The following LINGO2 variants were observed in gnomAD, a reference collection of about 807,000 sequenced individuals.
LINGO2 encodes the protein leucine-rich repeat and immunoglobulin-like domain-containing nogo receptor-interacting protein 2.
In LINGO2, 14 loss-of-function variants were observed where a neutral mutation model predicts 30.6. The observed-to-expected ratio is 0.46, with a 90% CI of 0.30 to 0.72. The LOEUF (loss-of-function observed/expected upper bound fraction) is 0.72, where lower values mean the gene tolerates loss of function less well. Among genes scored for constraint, LINGO2 ranks in the 30% least tolerant of loss-of-function variants. The pLI is 0.07. For synonymous variants in LINGO2, 317 were observed against 288.5 expected (o/e 1.10, Z -1.00); for missense variants, 729 against 751.7 (o/e 0.97, Z 0.35).
chr9:27,988,936 T>C (rs567285644), intron 5 of LINGO2, among the ~76,000 whole-genome samples: 174 of 152,038 alleles, frequency 1.1e-3, no homozygotes, highest in African/African-American at 4.0e-3. Context: ...TTCTTATCAC[T>C]TCCACTGCTA....
At chr9:28,986,097 C>T in the LINGO2 span, among the ~76,000 whole-genome samples, 1 of 152,114 alleles carries the variant, frequency 6.6e-6, no homozygotes, top group Non-Finnish European at 1.5e-5. Flanking sequence ...TTCCCAACAC[C>T]ATTTATTGAA....
At chr9:28,933,565 C>T in the LINGO2 span, among the ~76,000 whole-genome samples, 4 of 152,064 alleles carry the variant, frequency 2.6e-5, no homozygotes, top group East Asian at 1.9e-4. Context: ...GGTAGCTCCA[C>T]CATCAGGCAC....
intron 1 of LINGO2, among the ~76,000 whole-genome samples, chr9:28,563,902 A>AC (rs1175983413): frequency 6.6e-6 from 1 of 151,942 alleles, no homozygotes; most frequent in Admixed American, 6.6e-5. Flanking sequence ...AGATAGTTAG[A>AC]CCCCTCCTAC....
chr9:28,827,724 TAGC>T, the LINGO2 span, among the ~76,000 whole-genome samples: 1 of 152,148 alleles, frequency 6.6e-6, no homozygotes. Flanking sequence ...AGATTAAAAT[TAGC>T]AGTGACAAAT....
chr9:28,781,962 C>T, the LINGO2 span, among the ~76,000 whole-genome samples: 4 of 152,130 alleles, frequency 2.6e-5, no homozygotes, highest in Non-Finnish European at 5.9e-5. Flanking sequence ...GTTTGAATTA[C>T]ATCAGAGGGA....
chr9:28,039,509 G>A (rs1408055113), intron 4 of LINGO2, among the ~76,000 whole-genome samples: 2 of 151,906 alleles, frequency 1.3e-5, no homozygotes, highest in African/African-American at 4.8e-5. Flanking sequence ...TGTAACAGGT[G>A]TGTGTGTGTG....
chr9:28,877,923 T>A, the LINGO2 span, among the ~76,000 whole-genome samples: 1 of 152,046 alleles, frequency 6.6e-6, no homozygotes. Flanking sequence ...CCTCTTTTAT[T>A]TCATTGAGCA....
At chr9:28,951,505 T>G in the LINGO2 span, among the ~76,000 whole-genome samples, 3 of 152,108 alleles carry the variant, frequency 2.0e-5, no homozygotes, top group African/African-American at 7.2e-5. Flanking sequence ...CATTTCTGCC[T>G]ACCGATTTTT....
chr9:28,045,647 GAT>G (rs1156661902), intron 4 of LINGO2, among the ~76,000 whole-genome samples: 6 of 152,116 alleles, frequency 3.9e-5, no homozygotes, highest in African/African-American at 1.4e-4. Flanking sequence ...AATACTTACA[GAT>G]ATTTTTAAAC....
At chr9:28,436,470 A>G (rs1587671716) in intron 2 of LINGO2, among the ~76,000 whole-genome samples, 2 of 105,668 alleles carry the variant, frequency 1.9e-5, no homozygotes, top group Admixed American at 1.0e-4. Context: ...TTATTTATTT[A>G]TTTTTGAGAT....
the LINGO2 span, among the ~76,000 whole-genome samples, chr9:28,885,360 T>TACACACACAC: frequency 2.6e-4 from 38 of 144,164 alleles, no homozygotes; most frequent in East Asian, 1.2e-3. Flanking sequence ...TATATATATA[T>TACACACACAC]ACACACACAC....
chr9:28,109,982 T>C (rs1826724945), intron 4 of LINGO2, among the ~76,000 whole-genome samples: 1 of 152,172 alleles, frequency 6.6e-6, no homozygotes, highest in Non-Finnish European at 1.5e-5. Flanking sequence ...TCATGCTACC[T>C]GTTTCCAAAC....
At chr9:28,423,349 A>G (rs1444109388) in intron 2 of LINGO2, among the ~76,000 whole-genome samples, 14 of 152,098 alleles carry the variant, frequency 9.2e-5, no homozygotes, top group African/African-American at 2.2e-4. Context: ...GAAATAAGGG[A>G]AAAAAAATTA....
intron 1 of LINGO2, chr9:28,599,167 T>C (rs1428546408): frequency 2.0e-5 from 3 of 152,202 alleles, no homozygotes; most frequent in South Asian, 4.1e-4. Context: ...GGGATTTTTC[T>C]ATGAGGCCCT....
chr9:28,135,781 G>A (rs900079719), intron 4 of LINGO2, among the ~76,000 whole-genome samples: 6 of 152,104 alleles, frequency 3.9e-5, no homozygotes, highest in Non-Finnish European at 7.4e-5. Context: ...GTCATAAAAT[G>A]CCTTCCCTCT....
At chr9:29,071,010 A>C in the LINGO2 span, among the ~76,000 whole-genome samples, 1 of 151,058 alleles carries the variant, frequency 6.6e-6, no homozygotes. Context: ...TCCATTAGAA[A>C]GTAAACTATT....
At chr9:28,965,173 A>G in the LINGO2 span, among the ~76,000 whole-genome samples, 1 of 151,960 alleles carries the variant, frequency 6.6e-6, no homozygotes, top group African/African-American at 2.4e-5. Flanking sequence ...AATTACAACA[A>G]TTCTTAGGAT....
chr9:28,875,236 C>T, the LINGO2 span, among the ~76,000 whole-genome samples: 10 of 152,092 alleles, frequency 6.6e-5, no homozygotes, highest in South Asian at 2.1e-3. Flanking sequence ...TAAATGTTTA[C>T]CTGTATACAA....
intron 4 of LINGO2, among the ~76,000 whole-genome samples, chr9:28,053,876 G>C (rs1219448798): frequency 1.3e-5 from 2 of 152,030 alleles, no homozygotes; most frequent in Non-Finnish European, 2.9e-5. Flanking sequence ...CTCCTGCTTT[G>C]TTTGTCTTAT....
Sources: gnomAD v4.1 joint callset for allele counts (sites outside exome capture counted in the v4.1 genomes callset) on GRCh38, gnomAD v4.1.1 for gene constraint, MANE v1.5 for transcripts, NCBI Gene and HGNC (gene_info 2026-07-23, HGNC 2026-07-21) for gene names.